The following MTREX variants were observed in gnomAD, a reference collection of about 807,000 sequenced individuals.
MTREX encodes the protein exosome RNA helicase MTR4.
Under a neutral mutation model 135.4 loss-of-function variants are expected in MTREX, and 76 were observed. The ratio of observed to expected loss-of-function variants is 0.56; its 90% CI spans 0.47 to 0.68. The LOEUF (loss-of-function observed/expected upper bound fraction) is 0.68, where lower values mean the gene tolerates loss of function less well. Ranked by LOEUF, MTREX falls within the 30% of genes least tolerant of loss-of-function variation. The pLI is 0.00. For missense variants in MTREX, 920 were observed against 1,262.1 expected (o/e 0.73, Z 4.11); for synonymous variants, 404 against 401.6 (o/e 1.01, Z -0.07).
rs140579986 is a variant in MTREX at position 55,380,236 on chromosome 5, G to A, written c.2052+1041G>A. 5.1e-3 allele frequency among the ~76,000 whole-genome samples: 775 copies of A among 152,134 alleles called. 6 individuals are homozygous for A. Among genetic ancestry groups the A allele is most frequent in the Non-Finnish European group, 5.9e-3 (398 of 68,006 alleles). ...ATTACAGACATGAGCCACCACGCCC[G>A]GCCTGTTTCTTTTTTTAAACAGTTC... is the stretch of plus-strand genomic sequence containing the variant. On this transcript the variant is annotated intron_variant, in intron 18 of 26. Coordinates refer to ENST00000230640, the MANE Select transcript of MTREX (RefSeq NM_015360.5).
In MTREX at chr5:55,387,964, T is replaced by C; in HGVS notation, c.2053-10T>C. 2.5e-6 allele frequency: 4 copies of C among 1,571,030 alleles called. No homozygotes were observed. The highest frequency in any genetic ancestry group is 2.3e-5 in the East Asian group (1 of 44,070). On this transcript the variant is annotated splice_polypyrimidine_tract_variant and intron_variant, in intron 18 of 26. Coordinates refer to ENST00000230640, the MANE Select transcript of MTREX (RefSeq NM_015360.5). ...AAGAATGAATGAACATCTTCTGTTTTGTTTTTTAGCCTAACTCTGGTGAAC... is the reference window on the plus strand; with the variant it reads ...AAGAATGAATGAACATCTTCTGTTTCGTTTTTTAGCCTAACTCTGGTGAAC...
intron 10 of MTREX, 83 bp downstream of exon 10, chr5:55,345,279 T>A: frequency 1.1e-6 from 1 of 898,600 alleles, no homozygotes. Flanking sequence ...CTTAGTTTTT[T>A]TTTCTCAAGC....
intron 1 of MTREX, among the ~76,000 whole-genome samples, chr5:55,319,608 T>C (rs986307067): frequency 6.6e-6 from 1 of 152,226 alleles, no homozygotes; most frequent in Non-Finnish European, 1.5e-5. Context: ...AGAATAACAT[T>C]CTCAGATGGT....
chr5:55,347,443 GCTCT>G (rs1240224691), intron 11 of MTREX, among the ~76,000 whole-genome samples: 7 of 152,176 alleles, frequency 4.6e-5, no homozygotes, highest in African/African-American at 1.2e-4. Flanking sequence ...AGTTATTGTG[GCTCT>G]CTATTTGACC....
At chr5:55,338,665 T>C (rs1183067811) in intron 5 of MTREX, among the ~76,000 whole-genome samples, 2 of 151,708 alleles carry the variant, frequency 1.3e-5, no homozygotes, top group Non-Finnish European at 2.9e-5. Context: ...TTTTTCTCTT[T>C]AGATTTGATA....
At chr5:55,414,402 A>C (rs1400098286) in intron 24 of MTREX, among the ~76,000 whole-genome samples, 164 bp downstream of exon 24, 3 of 152,156 alleles carry the variant, frequency 2.0e-5, no homozygotes, top group Admixed American at 6.5e-5. Flanking sequence ...TGTTACTCTG[A>C]TAACATCTCT....
At chr5:55,376,710 T>G (rs915300570) in intron 16 of MTREX, among the ~76,000 whole-genome samples, 5 of 152,200 alleles carry the variant, frequency 3.3e-5, no homozygotes, top group African/African-American at 1.2e-4. Flanking sequence ...TAGACCAACA[T>G]TGTGGCCAAT....
intron 25 of MTREX, among the ~76,000 whole-genome samples, chr5:55,416,824 A>G (rs1750973094): frequency 6.6e-6 from 1 of 152,198 alleles, no homozygotes; most frequent in Non-Finnish European, 1.5e-5. Flanking sequence ...CCTAAAAATG[A>G]AAATAAATGA....
intron 5 of MTREX, among the ~76,000 whole-genome samples, chr5:55,338,504 GTTAA>G (rs955334164): frequency 4.2e-4 from 63 of 149,788 alleles, no homozygotes; most frequent in African/African-American, 1.5e-3. Context: ...TTCATGCTGT[GTTAA>G]TTGAGCTTCT....
At chr5:55,403,702 T>C (rs1392358700) in intron 21 of MTREX, among the ~76,000 whole-genome samples, 1 of 152,202 alleles carries the variant, frequency 6.6e-6, no homozygotes, top group Non-Finnish European at 1.5e-5. Flanking sequence ...TGATAAGTCA[T>C]GCTAGGTAGC....
At chr5:55,378,944 T>G (rs1439817207) in intron 17 of MTREX, among the ~76,000 whole-genome samples, 183 bp from the exon 18 acceptor site, 1 of 152,238 alleles carries the variant, frequency 6.6e-6, no homozygotes, top group Non-Finnish European at 1.5e-5. Context: ...AAAATGAAAT[T>G]TGGCATTGAT....
intron 5 of MTREX, among the ~76,000 whole-genome samples, chr5:55,334,561 C>G (rs758644501): frequency 2.6e-5 from 4 of 152,082 alleles, no homozygotes; most frequent in Non-Finnish European, 5.9e-5. Context: ...TCTGACACTG[C>G]TGATTTTTTA....
At chr5:55,362,506 A>C (rs1750031925) in intron 15 of MTREX, among the ~76,000 whole-genome samples, 1 of 152,004 alleles carries the variant, frequency 6.6e-6, no homozygotes, top group South Asian at 2.1e-4. Flanking sequence ...GATTACAGGC[A>C]TGTGCCGCCA....
intron 19 of MTREX, among the ~76,000 whole-genome samples, chr5:55,392,311 A>T (rs1032965112): frequency 2.0e-5 from 3 of 152,096 alleles, no homozygotes; most frequent in African/African-American, 7.2e-5. Context: ...TGAGGGGCTG[A>T]CGTGGGTAGA....
intron 3 of MTREX, among the ~76,000 whole-genome samples, chr5:55,326,225 C>T (rs1167086379): frequency 6.6e-6 from 1 of 151,824 alleles, no homozygotes; most frequent in Non-Finnish European, 1.5e-5. Context: ...GGTGAAACCC[C>T]GTCTCTACTA....
At chr5:55,395,892 A>G (rs1289800537) in intron 19 of MTREX, among the ~76,000 whole-genome samples, 1 of 152,206 alleles carries the variant, frequency 6.6e-6, no homozygotes, top group African/African-American at 2.4e-5. Context: ...TCAATGCATG[A>G]TCCTAGTTTG....
chr5:55,340,331 A>G (rs566499325), intron 6 of MTREX, 147 bp downstream of exon 6: 3 of 432,082 alleles, frequency 6.9e-6, no homozygotes, highest in Non-Finnish European at 1.2e-5. Flanking sequence ...AAAATGGATA[A>G]CATTTATCTT....
At chr5:55,312,001 G>A (rs953799837) in intron 1 of MTREX, among the ~76,000 whole-genome samples, 8 of 152,058 alleles carry the variant, frequency 5.3e-5, no homozygotes, top group Admixed American at 1.3e-4. Flanking sequence ...ACATCATAAT[G>A]TCTGAATATT....
intron 5 of MTREX, among the ~76,000 whole-genome samples, chr5:55,331,476 A>G (rs1053465286): frequency 6.6e-6 from 1 of 152,126 alleles, no homozygotes; most frequent in African/African-American, 2.4e-5. Context: ...GTGAATTCTG[A>G]GGTTTTCCAC....
Sources: gnomAD v4.1 joint callset for allele counts (sites outside exome capture counted in the v4.1 genomes callset) on GRCh38, gnomAD v4.1.1 for gene constraint, MANE v1.5 for transcripts, NCBI Gene and HGNC (gene_info 2026-07-23, HGNC 2026-07-21) for gene names.